Variants in SLC4A10 observed in about 807,000 individuals in gnomAD.
The protein encoded by SLC4A10 is sodium-driven chloride bicarbonate exchanger.
Under a neutral mutation model 137.7 loss-of-function variants are expected in SLC4A10, and 42 were observed. The ratio of observed to expected loss-of-function variants is 0.30; its 90% confidence interval spans 0.24 to 0.39. The LOEUF (loss-of-function observed/expected upper bound fraction) is 0.39. Ranked by LOEUF, SLC4A10 falls within the 10% of genes least tolerant of loss-of-function variation. The probability of loss-of-function intolerance (pLI) is 1.00; values close to 1 mark genes in which losing one functional copy is unlikely to be tolerated. For synonymous variants in SLC4A10, 474 were observed against 464.1 expected (o/e 1.02, Z -0.27); for missense variants, 925 against 1,355.0 (o/e 0.68, Z 4.98).
rs554961970 is a variant in SLC4A10, at chr2:161,879,397, T to C, written c.1106+109T>C. ...TTAGAGTTTTGACTAGAAACTAATG[T>C]GAAATCCACAAAACTACTATTAATT... is the stretch of plus-strand genomic sequence containing the variant. On this transcript the variant is annotated intron_variant, in intron 9 of 26. Coordinates refer to ENST00000446997, the MANE Select transcript of SLC4A10 (RefSeq NM_001178015.2). 1.3e-4 allele frequency: 155 copies of C among 1,171,436 alleles called. No homozygotes were observed. In the African/African-American group the frequency reaches 2.3e-3, roughly 17 times the overall value. 72.6% of individuals were successfully genotyped at this position (1,171,436 alleles called of 1,614,324 possible). A position where few individuals can be genotyped will look rare whatever the true frequency, so the allele number is the denominator to read the frequency against.
At chr2:161,649,974 A>T (rs2036563256) in intron 1 of SLC4A10, among the ~76,000 whole-genome samples, 1 of 152,188 alleles carries the variant, frequency 6.6e-6, no homozygotes, top group African/African-American at 2.4e-5. Context: ...AATGTCATAC[A>T]TGGTAACTTT....
At chr2:161,774,344 A>T (rs575062179) in intron 2 of SLC4A10, among the ~76,000 whole-genome samples, 1 of 152,078 alleles carries the variant, frequency 6.6e-6, no homozygotes, top group South Asian at 2.1e-4. Context: ...TTTCAGGCAA[A>T]TAATAAACAA....
intron 1 of SLC4A10, among the ~76,000 whole-genome samples, chr2:161,758,068 A>G (rs1023551338): frequency 5.3e-5 from 8 of 151,838 alleles, no homozygotes; most frequent in African/African-American, 1.4e-4. Flanking sequence ...TTCCTCTTCT[A>G]TATCTTTTGA....
chr2:161,708,986 T>C (rs1437353581), intron 1 of SLC4A10, among the ~76,000 whole-genome samples: 1 of 151,290 alleles, frequency 6.6e-6, no homozygotes, highest in Non-Finnish European at 1.5e-5. Flanking sequence ...CTAAACAATA[T>C]GATTATTAGA....
chr2:161,778,283 T>C (rs984443175), intron 2 of SLC4A10, among the ~76,000 whole-genome samples: 11 of 151,970 alleles, frequency 7.2e-5, no homozygotes, highest in Non-Finnish European at 1.3e-4. Context: ...TTCTAAGAGC[T>C]ATCATTTTTC....
intron 1 of SLC4A10, among the ~76,000 whole-genome samples, chr2:161,688,161 A>G (rs913982845): frequency 2.0e-5 from 3 of 152,206 alleles, no homozygotes; most frequent in Admixed American, 6.5e-5. Flanking sequence ...AGACTTTTTT[A>G]AATTTCAAAG....
At chr2:161,660,615 TCTTTCTTTCTTC>T (rs1255205810) in intron 1 of SLC4A10, among the ~76,000 whole-genome samples, 24 of 145,580 alleles carry the variant, frequency 1.6e-4, no homozygotes, top group African/African-American at 4.8e-4. Context: ...TTTCTTTCTT[TCTTTCTTTCTTC>T]CTTTCCTTCT....
chr2:161,764,358 A>C (rs2050576292), intron 1 of SLC4A10, among the ~76,000 whole-genome samples: 1 of 152,144 alleles, frequency 6.6e-6, no homozygotes, highest in Non-Finnish European at 1.5e-5. Context: ...AGGCTAAATA[A>C]AAAATCAATG....
At chr2:161,857,330 C>A (rs564353291) in intron 5 of SLC4A10, among the ~76,000 whole-genome samples, 2 of 152,266 alleles carry the variant, frequency 1.3e-5, no homozygotes, top group African/African-American at 4.8e-5. Context: ...TCTTTCTGCT[C>A]TTCTAATTAG....
chr2:161,791,873 C>T (rs2054248756), intron 2 of SLC4A10, among the ~76,000 whole-genome samples: 1 of 152,004 alleles, frequency 6.6e-6, no homozygotes. Flanking sequence ...AATTATTTTT[C>T]TAAATTTGAT....
intron 7 of SLC4A10, 109 bp downstream of exon 7, chr2:161,872,493 G>A (rs2061192528): frequency 2.9e-6 from 2 of 681,640 alleles, no homozygotes; most frequent in South Asian, 4.6e-5. Context: ...TTTGTTTCTT[G>A]TCAAAGCTTG....
chr2:161,918,207 G>A (rs778593402), intron 15 of SLC4A10, among the ~76,000 whole-genome samples: 13 of 152,090 alleles, frequency 8.5e-5, no homozygotes, highest in South Asian at 2.1e-4. Context: ...CCAGGCTGGC[G>A]TGCAGCGGTG....
At chr2:161,940,887 T>C (rs1286488563) in intron 15 of SLC4A10, among the ~76,000 whole-genome samples, 4 of 152,126 alleles carry the variant, frequency 2.6e-5, no homozygotes, top group Non-Finnish European at 5.9e-5. Flanking sequence ...GAGGATTACT[T>C]GAGCGCAGGA....
chr2:161,634,067 A>T (rs1574000292), intron 1 of SLC4A10, among the ~76,000 whole-genome samples: 1 of 151,912 alleles, frequency 6.6e-6, no homozygotes, highest in Non-Finnish European at 1.5e-5. Flanking sequence ...GTTTTCACTA[A>T]TGTCCATTTT....
rs544638759 is a variant in SLC4A10 at position 161,659,511 on chromosome 2, G to C, written c.48+34945G>C. 1.1e-3 allele frequency among the ~76,000 whole-genome samples: 170 copies of C among 152,146 alleles called. 2 individuals are homozygous for C. The South Asian group carries it at 0.02, about 18-fold the overall frequency. ...AGTAGGTAGGAGAGTAATGGGGAGT[G>C]GGTGATGAGAAATTACTTTATGGGT... On this transcript the variant is annotated intron_variant, in intron 1 of 26. Coordinates refer to ENST00000446997, the MANE Select transcript of SLC4A10 (RefSeq NM_001178015.2).
intron 1 of SLC4A10, among the ~76,000 whole-genome samples, chr2:161,744,412 G>C (rs1463083122): frequency 6.6e-6 from 1 of 152,076 alleles, no homozygotes; most frequent in Non-Finnish European, 1.5e-5. Flanking sequence ...CCTTCTCTTT[G>C]TTGATATGTG....
chr2:161,657,140 A>C (rs1188783261), intron 1 of SLC4A10, among the ~76,000 whole-genome samples: 9 of 152,020 alleles, frequency 5.9e-5, no homozygotes, highest in Admixed American at 5.9e-4. Flanking sequence ...TTCCCTTCTG[A>C]ATATTTGTTT....
chr2:161,865,971 T>TA (rs892976702), intron 6 of SLC4A10, among the ~76,000 whole-genome samples: 10 of 151,742 alleles, frequency 6.6e-5, no homozygotes, highest in African/African-American at 9.7e-5. Flanking sequence ...TTGACTTTTT[T>TA]AAAAAAAAGA....
Position 161,729,617 on chromosome 2 carries a change from A to ATT in SLC4A10, c.49-41348_49-41347dup, listed in dbSNP as rs56695198. 3.4e-3 allele frequency among the ~76,000 whole-genome samples: 523 copies of ATT among 151,734 alleles called. 3 individuals are homozygous for ATT. Among genetic ancestry groups the ATT allele is most frequent in the Non-Finnish European group, 5.6e-3 (382 of 67,896 alleles). On this transcript the variant is annotated intron_variant, in intron 1 of 26. Coordinates refer to ENST00000446997, the MANE Select transcript of SLC4A10 (RefSeq NM_001178015.2). ...GACTATAAGTTTTAAAATAAAGCGA[A>ATT]TTTTTTTTTCACAGAGGAAGTACAC... is the stretch of plus-strand genomic sequence containing the variant.
Sources: gnomAD v4.1 joint callset for allele counts (sites outside exome capture counted in the v4.1 genomes callset) on GRCh38, gnomAD v4.1.1 for gene constraint, MANE v1.5 for transcripts, NCBI Gene and HGNC (gene_info 2026-07-23, HGNC 2026-07-21) for gene names.